Variants in TENM1 observed in about 807,000 individuals in gnomAD.
The protein encoded by TENM1 is teneurin-1.
A neutral mutation model predicts 174.8 loss-of-function variants in TENM1; 35 were observed. The observed-to-expected ratio is 0.20, with a 90% CI of 0.15 to 0.27. TENM1 has a LOEUF of 0.27. Among genes scored for constraint, TENM1 ranks in the 10% least tolerant of loss-of-function variants. The probability of loss-of-function intolerance (pLI) is 1.00; values close to 1 mark genes in which losing one functional copy is unlikely to be tolerated. For synonymous variants in TENM1, 781 were observed against 798.7 expected (o/e 0.98, Z 0.37); for missense variants, 1,633 against 2,130.1 (o/e 0.77, Z 4.59).
chrX:125,035,363 A>C, the TENM1 span, among the ~76,000 whole-genome samples: 12 of 111,925 alleles, frequency 1.1e-4, no homozygotes, highest in Non-Finnish European at 2.1e-4. Flanking sequence ...TAAATACAGC[A>C]GATCATTGGA....
At chrX:125,061,969 G>A in the TENM1 span, among the ~76,000 whole-genome samples, 1,197 of 111,776 alleles carry the variant, frequency 0.011, 12 homozygotes, top group Non-Finnish European at 0.016. Flanking sequence ...CTGTGTTCTC[G>A]AGCAATAGAG....
chrX:125,133,770 C>T, the TENM1 span, among the ~76,000 whole-genome samples: 2 of 111,354 alleles, frequency 1.8e-5, no homozygotes, highest in African/African-American at 3.3e-5. Flanking sequence ...AGAGAATAAT[C>T]GCCTTTGCTC....
At chrX:124,677,525 C>T (rs1314176283) in intron 5 of TENM1, among the ~76,000 whole-genome samples, 2 of 111,306 alleles carry the variant, frequency 1.8e-5, no homozygotes, top group Admixed American at 9.6e-5. Context: ...AATTCTACTT[C>T]TAGGAGTCTG....
intron 3 of TENM1, among the ~76,000 whole-genome samples, chrX:124,819,261 T>C (rs952103404): frequency 2.7e-5 from 3 of 111,632 alleles, no homozygotes. Flanking sequence ...AATATTTTCA[T>C]TGCACAGTCT....
chrX:124,393,863 CA>C (rs1402571380), intron 27 of TENM1, among the ~76,000 whole-genome samples: 1 of 111,752 alleles, frequency 8.9e-6, no homozygotes, highest in Non-Finnish European at 1.9e-5. Flanking sequence ...GTCTGTGCAC[CA>C]GTCATTTCTT....
At chrX:125,127,258 C>G in the TENM1 span, among the ~76,000 whole-genome samples, 1 of 111,602 alleles carries the variant, frequency 9.0e-6, no homozygotes, top group African/African-American at 3.3e-5. Flanking sequence ...CACTCTACTA[C>G]TTTTTTCAAA....
chrX:124,563,551 A>G (rs901685509), intron 13 of TENM1, among the ~76,000 whole-genome samples, 198 bp downstream of exon 16: 5 of 109,913 alleles, frequency 4.5e-5, no homozygotes, highest in African/African-American at 6.6e-5. Flanking sequence ...GGAAAAAGTG[A>G]CTCTTTGATG....
the TENM1 span, among the ~76,000 whole-genome samples, chrX:125,065,811 T>C: frequency 3.6e-5 from 4 of 112,074 alleles, no homozygotes; most frequent in Non-Finnish European, 7.5e-5. Flanking sequence ...AAGATTTTAG[T>C]TGACTGTAAG....
intron 11 of TENM1, among the ~76,000 whole-genome samples, chrX:124,587,094 G>A (rs1454251808): frequency 1.9e-5 from 2 of 107,797 alleles, no homozygotes; most frequent in African/African-American, 3.4e-5. Flanking sequence ...AATCAATATC[G>A]TGAAAATGGC....
At chrX:124,484,311 T>C (rs1209734344) in intron 21 of TENM1, among the ~76,000 whole-genome samples, 1 of 111,550 alleles carries the variant, frequency 9.0e-6, no homozygotes, top group Non-Finnish European at 1.9e-5. Flanking sequence ...ATAGTGTTCG[T>C]CAGATTTCTT....
chrX:125,186,922 A>G, the TENM1 span, among the ~76,000 whole-genome samples: 1 of 112,189 alleles, frequency 8.9e-6, no homozygotes, highest in African/African-American at 3.2e-5. Context: ...TCTGATTTAT[A>G]TATACCCAGT....
At position 124,858,899 on chromosome X, in the gene TENM1, T is replaced by C. The variant is rs5956707; in HGVS notation, c.535+35397A>G. Among the ~76,000 whole-genome samples the C allele has an allele frequency of 1.6e-4, 18 of 110,689 alleles. No homozygotes were observed. The Admixed American group carries it at 1.7e-3, about 11-fold the overall frequency. ...AGGGAAATCTTGTCATAATGGCTTG[T>C]TCTATAGATGATTAAGACTGCAACA... On this transcript the variant is annotated intron_variant, in intron 3 of 31. Transcript: ENST00000422452.
chrX:124,607,335 A>C (rs2050183173), intron 11 of TENM1, among the ~76,000 whole-genome samples: 2 of 110,715 alleles, frequency 1.8e-5, no homozygotes, highest in African/African-American at 6.6e-5. Context: ...AGAGTAATGA[A>C]AGGTGGGTAG....
rs1050176697 is a variant in TENM1, at chrX:124,731,310, G to C, written c.776+5647C>G. On this transcript the variant is annotated intron_variant, in intron 4 of 31. Coordinates refer to ENST00000422452, the Ensembl canonical transcript of TENM1. ...CAACTACTGTACTAGTTTTCTTTGT[G>C]AAAAAGAATGATGATAGACTTGAAA... is the stretch of plus-strand genomic sequence containing the variant. Among the ~76,000 whole-genome samples, 22 of 111,973 alleles carry C rather than the reference G, an allele frequency of 2.0e-4. No homozygotes were observed. The Admixed American group carries it at 2.1e-3, about 11-fold the overall frequency.
At chrX:124,826,403 T>G (rs773044355) in intron 3 of TENM1, among the ~76,000 whole-genome samples, 63 of 105,424 alleles carry the variant, frequency 6.0e-4, no homozygotes, top group African/African-American at 2.2e-3. Flanking sequence ...AGTGAGACCC[T>G]GTCTCAAAAA....
intron 10 of TENM1, among the ~76,000 whole-genome samples, chrX:124,644,210 C>CATATATATATATATATATATAT (rs202056765): frequency 1.0e-5 from 1 of 95,674 alleles, no homozygotes; most frequent in African/African-American, 3.9e-5. Context: ...TTTACATATA[C>CATATATATATATATATATATAT]ATATATATAT....
intron 16 of TENM1, among the ~76,000 whole-genome samples, chrX:124,528,763 G>A (rs1260557316): frequency 9.1e-6 from 1 of 110,091 alleles, no homozygotes; most frequent in East Asian, 2.8e-4. Context: ...ATGAAGAGAT[G>A]GTTAGTTAGT....
chrX:125,063,217 A>G, the TENM1 span, among the ~76,000 whole-genome samples: 3 of 112,360 alleles, frequency 2.7e-5, no homozygotes, highest in Non-Finnish European at 5.6e-5. Context: ...AGAGACAGAT[A>G]CAAAGAGACT....
the TENM1 span, among the ~76,000 whole-genome samples, chrX:125,142,169 A>G: frequency 9.0e-6 from 1 of 111,479 alleles, no homozygotes; most frequent in East Asian, 2.8e-4. Context: ...ATTGCTTTTT[A>G]CGCTTAATTT....
Sources: allele counts gnomAD v4.1 joint callset (sites outside exome capture counted in the v4.1 genomes callset), GRCh38; gene constraint gnomAD v4.1.1; transcripts MANE v1.5; gene names NCBI Gene and HGNC (gene_info 2026-07-23, HGNC 2026-07-21).